Variants in ACBD6 observed in about 807,000 individuals in gnomAD.
ACBD6 encodes acyl-CoA binding domain containing 6, also known as acyl-CoA-binding domain-containing protein 6.
A neutral mutation model predicts 37.2 loss-of-function variants in ACBD6; 28 were observed. That is an observed-to-expected ratio of 0.75 (90% CI 0.56 to 1.03). The LOEUF is 1.03. ACBD6 is among the 50% of genes least tolerant of loss of function. The pLI, the probability that ACBD6 is intolerant of heterozygous loss-of-function variation, is 0.00. For synonymous variants in ACBD6, 113 were observed against 126.8 expected (o/e 0.89, Z 0.73); for missense variants, 340 against 337.4 (o/e 1.01, Z -0.06).
At chr1:180,498,296 G>T (rs1324091112) in intron 1 of ACBD6, among the ~76,000 whole-genome samples, 1 of 152,180 alleles carries the variant, frequency 6.6e-6, no homozygotes, top group African/African-American at 2.4e-5. Context: ...AACACTTTGA[G>T]TTGTTTTCCT....
intron 5 of ACBD6, among the ~76,000 whole-genome samples, chr1:180,404,456 A>G (rs1214318362): frequency 6.6e-6 from 1 of 151,914 alleles, no homozygotes; most frequent in Non-Finnish European, 1.5e-5. Context: ...AAAAATATAT[A>G]TATACATATG....
At chr1:180,414,208 G>A (rs548813853) in intron 4 of ACBD6, among the ~76,000 whole-genome samples, 15 of 152,090 alleles carry the variant, frequency 9.9e-5, no homozygotes, top group African/African-American at 2.9e-4. Context: ...TGTTTCAATC[G>A]GATTCTCAAA....
At chr1:180,335,288 G>A (rs1571375046) in intron 6 of ACBD6, among the ~76,000 whole-genome samples, 1 of 152,152 alleles carries the variant, frequency 6.6e-6, no homozygotes, top group Admixed American at 6.5e-5. Flanking sequence ...ACAAAGGGAA[G>A]CCCGTCATAC....
chr1:180,489,698 C>T (rs1232642893), intron 3 of ACBD6, among the ~76,000 whole-genome samples: 5 of 151,760 alleles, frequency 3.3e-5, no homozygotes, highest in Admixed American at 1.3e-4. Context: ...GCTCTGTCGC[C>T]CAGGCTGGAG....
chr1:180,333,135 CTATA>C (rs1157559083), intron 6 of ACBD6, among the ~76,000 whole-genome samples: 1 of 151,928 alleles, frequency 6.6e-6, no homozygotes, highest in Non-Finnish European at 1.5e-5. Context: ...CATCATGTTA[CTATA>C]TATTTTACAT....
intron 3 of ACBD6, among the ~76,000 whole-genome samples, chr1:180,448,474 T>C (rs1649561822): frequency 6.6e-6 from 1 of 152,186 alleles, no homozygotes; most frequent in Admixed American, 6.5e-5. Flanking sequence ...CTAGGATACT[T>C]AGCTCTTGCC....
intron 3 of ACBD6, among the ~76,000 whole-genome samples, chr1:180,447,221 A>C (rs376014041): frequency 1.5e-3 from 234 of 152,324 alleles, no homozygotes; most frequent in African/African-American, 5.3e-3. Context: ...TTTTTTGTAT[A>C]TATACTACAT....
At chr1:180,306,152 G>T (rs1175806302) in intron 7 of ACBD6, among the ~76,000 whole-genome samples, 2 of 151,540 alleles carry the variant, frequency 1.3e-5, no homozygotes, top group Non-Finnish European at 2.9e-5. Flanking sequence ...AATGTTAAAT[G>T]ATGAGTTGAT....
At chr1:180,320,104 TA>T in intron 6 of ACBD6, among the ~76,000 whole-genome samples, 1 of 152,344 alleles carries the variant, frequency 6.6e-6, no homozygotes, top group South Asian at 2.1e-4. Context: ...GTGGCTGTAC[TA>T]ATTTACATTC....
At chr1:180,294,549 T>TATA (rs79651267) in intron 7 of ACBD6, among the ~76,000 whole-genome samples, 6,797 of 151,530 alleles carry the variant, frequency 0.045, 218 homozygotes, top group Non-Finnish European at 0.059. Flanking sequence ...TAAAAAAATA[T>TATA]ATAATAATAA....
At chr1:180,338,677 T>C (rs558323373) in intron 6 of ACBD6, among the ~76,000 whole-genome samples, 22 of 152,156 alleles carry the variant, frequency 1.4e-4, no homozygotes, top group African/African-American at 4.8e-4. Flanking sequence ...AATTGACAAA[T>C]GGGATCTAAT....
At chr1:180,442,122 T>C (rs889545606) in intron 3 of ACBD6, among the ~76,000 whole-genome samples, 10 of 152,258 alleles carry the variant, frequency 6.6e-5, no homozygotes, top group Non-Finnish European at 1.0e-4. Context: ...AAGTCTGCTG[T>C]AGTTCTACCT....
intron 4 of ACBD6, among the ~76,000 whole-genome samples, chr1:180,427,384 C>T (rs550183955): frequency 1.3e-5 from 2 of 152,170 alleles, no homozygotes; most frequent in Non-Finnish European, 2.9e-5. Context: ...AACTCTAAAA[C>T]CTACTGTCAC....
At chr1:180,431,444 T>C (rs999339294) in intron 3 of ACBD6, among the ~76,000 whole-genome samples, 2 of 152,184 alleles carry the variant, frequency 1.3e-5, no homozygotes, top group Non-Finnish European at 2.9e-5. Flanking sequence ...AAATGACAGA[T>C]TTCTCTGTGC....
chr1:180,451,407 C>A (rs1649697931), intron 3 of ACBD6, among the ~76,000 whole-genome samples: 1 of 152,092 alleles, frequency 6.6e-6, no homozygotes. Flanking sequence ...GATATATGTA[C>A]ACACAAAAAC....
intron 6 of ACBD6, among the ~76,000 whole-genome samples, chr1:180,373,940 AG>A (rs1266246532): frequency 6.6e-6 from 1 of 152,144 alleles, no homozygotes; most frequent in Non-Finnish European, 1.5e-5. Context: ...GATTGGCTCC[AG>A]GTAACATAAA....
At chr1:180,284,804 G>A (rs1456863300), downstream of ACBD6, among the ~76,000 whole-genome samples, 1 of 152,128 alleles carries the variant, frequency 6.6e-6, no homozygotes, top group Non-Finnish European at 1.5e-5. Flanking sequence ...ATAGTTCAGA[G>A]AAGCTTTTGG....
chr1:180,468,243 T>G (rs1650424817), intron 3 of ACBD6, among the ~76,000 whole-genome samples: 1 of 152,208 alleles, frequency 6.6e-6, no homozygotes, highest in African/African-American at 2.4e-5. Flanking sequence ...CTGGGCTTGC[T>G]AGGTAATTCC....
intron 7 of ACBD6, among the ~76,000 whole-genome samples, chr1:180,303,951 C>CT (rs1238505033): frequency 6.6e-6 from 1 of 150,928 alleles, no homozygotes; most frequent in Non-Finnish European, 1.5e-5. Flanking sequence ...GCTGGTTCAA[C>CT]ATACGCAAAT....
Sources: allele counts gnomAD v4.1 joint callset (sites outside exome capture counted in the v4.1 genomes callset), GRCh38; gene constraint gnomAD v4.1.1; transcripts MANE v1.5; gene names NCBI Gene and HGNC (gene_info 2026-07-23, HGNC 2026-07-21).